The following SORCS1 variants were observed in gnomAD, a reference collection of about 807,000 sequenced individuals.
SORCS1 encodes the protein VPS10 domain-containing receptor SorCS1.
SORCS1 carries 60 observed loss-of-function variants against 146.1 expected under a neutral mutation model. That is an observed-to-expected ratio of 0.41 (90% CI 0.33 to 0.51). The LOEUF is 0.51. Among genes scored for constraint, SORCS1 ranks in the 20% least tolerant of loss-of-function variants. The pLI, the probability that SORCS1 is intolerant of heterozygous loss-of-function variation, is 0.21. For missense variants in SORCS1, 1,352 were observed against 1,487.6 expected, an observed-to-expected ratio of 0.91 and a Z score of 1.50; for synonymous variants, 637 against 584.0, an observed-to-expected ratio of 1.09 and a Z score of -1.31.
chr10:107,100,454 C>A (rs1964841288), intron 1 of SORCS1, among the ~76,000 whole-genome samples: 1 of 151,352 alleles, frequency 6.6e-6, no homozygotes, highest in Non-Finnish European at 1.5e-5. Context: ...GCAGAGCTTG[C>A]AGTGAGCCAA....
At chr10:106,877,835 G>A (rs575236669) in intron 2 of SORCS1, among the ~76,000 whole-genome samples, 158 of 152,264 alleles carry the variant, frequency 1.0e-3, no homozygotes, top group Middle Eastern at 3.4e-3. Flanking sequence ...CCACAAAAAA[G>A]CAGGCAGATT....
chr10:106,659,150 T>C (rs1218199985), intron 17 of SORCS1, among the ~76,000 whole-genome samples: 1 of 152,222 alleles, frequency 6.6e-6, no homozygotes, highest in African/African-American at 2.4e-5. Flanking sequence ...TAAGCAGGCT[T>C]TCCAAGTTTC....
intron 4 of SORCS1, among the ~76,000 whole-genome samples, chr10:106,775,947 TAC>T (rs147093964): frequency 7.9e-5 from 12 of 152,096 alleles, no homozygotes; most frequent in African/African-American, 2.7e-4. Flanking sequence ...TATGCACATA[TAC>T]ACACACACAG....
At chr10:106,607,882 C>T (rs779356199) in intron 22 of SORCS1, among the ~76,000 whole-genome samples, 1 of 152,126 alleles carries the variant, frequency 6.6e-6, no homozygotes, top group Non-Finnish European at 1.5e-5. Flanking sequence ...TCAGGAGGCC[C>T]CTGTTGACTT....
At chr10:106,699,495 G>T in intron 8 of SORCS1, 102 bp from the exon 9 acceptor site, 1 of 963,908 alleles carries the variant, frequency 1.0e-6, no homozygotes, top group Non-Finnish European at 1.5e-6. Flanking sequence ...ACCAGAATGA[G>T]CACTTTAATG....
In SORCS1 at chr10:107,159,275, T is replaced by C. The variant is rs370753329; in HGVS notation, c.558+4694A>G. On this transcript the variant is annotated intron_variant, in intron 1 of 25. Coordinates refer to ENST00000263054, the MANE Select transcript of SORCS1 (RefSeq NM_052918.5). ...ATTTCTACATCCCCAACACTCCTAG[T>C]GCACTTTACTTAGTAAATGCAGCAG... Among the ~76,000 whole-genome samples, 11 of 152,214 alleles carry C rather than the reference T, an allele frequency of 7.2e-5. No individual in the cohort carries two copies. In the East Asian group the frequency reaches 1.3e-3, roughly 19 times the overall value.
At chr10:106,760,710 AACACACACACAC>A (rs58948425) in intron 5 of SORCS1, among the ~76,000 whole-genome samples, 2 of 148,582 alleles carry the variant, frequency 1.3e-5, no homozygotes, top group Non-Finnish European at 3.0e-5. Context: ...CACACACACT[AACACACACACAC>A]ACACACACAC....
intron 1 of SORCS1, among the ~76,000 whole-genome samples, chr10:106,961,391 C>T (rs1955215094): frequency 6.6e-6 from 1 of 152,192 alleles, no homozygotes; most frequent in Non-Finnish European, 1.5e-5. Context: ...TAATCTGGTT[C>T]TACATACAGC....
chr10:107,012,999 T>C (rs1957750857), intron 1 of SORCS1, among the ~76,000 whole-genome samples: 1 of 152,186 alleles, frequency 6.6e-6, no homozygotes, highest in African/African-American at 2.4e-5. Flanking sequence ...CTTGGCCTCC[T>C]ATTATCTGTC....
chr10:106,625,729 C>T (rs1054278825), intron 19 of SORCS1, among the ~76,000 whole-genome samples: 8 of 152,164 alleles, frequency 5.3e-5, no homozygotes, highest in Non-Finnish European at 1.0e-4. Flanking sequence ...ATAAGGGAAG[C>T]AGTTTAGGAA....
intron 2 of SORCS1, among the ~76,000 whole-genome samples, chr10:106,869,999 G>T (rs538755773): frequency 6.6e-5 from 10 of 151,998 alleles, no homozygotes; most frequent in Non-Finnish European, 1.3e-4. Context: ...CAAAGTTTCA[G>T]GATACAAAAT....
At chr10:107,124,623 A>G (rs903160138) in intron 1 of SORCS1, among the ~76,000 whole-genome samples, 1 of 152,116 alleles carries the variant, frequency 6.6e-6, no homozygotes, top group Admixed American at 6.5e-5. Flanking sequence ...TCTGAGCACT[A>G]GTGGGGCAGC....
At chr10:106,584,937 A>G (rs1172918875) in intron 24 of SORCS1, among the ~76,000 whole-genome samples, 1 of 152,200 alleles carries the variant, frequency 6.6e-6, no homozygotes, top group Non-Finnish European at 1.5e-5. Flanking sequence ...TTGGAAGGTG[A>G]TGATTCCTGG....
intron 1 of SORCS1, among the ~76,000 whole-genome samples, chr10:107,006,920 T>A (rs925269855): frequency 8.9e-4 from 135 of 152,060 alleles, no homozygotes; most frequent in African/African-American, 3.2e-3. Flanking sequence ...TCAATGATTA[T>A]AAACAAATTT....
chr10:106,823,644 T>C (rs1219699407), intron 3 of SORCS1, among the ~76,000 whole-genome samples: 1 of 152,120 alleles, frequency 6.6e-6, no homozygotes, highest in African/African-American at 2.4e-5. Flanking sequence ...CTAAAGGGAG[T>C]ATTAGACATG....
chr10:107,114,283 C>A (rs1404925541), intron 1 of SORCS1, among the ~76,000 whole-genome samples: 1 of 152,092 alleles, frequency 6.6e-6, no homozygotes, highest in Non-Finnish European at 1.5e-5. Flanking sequence ...ATGAGGCCAG[C>A]ATAACCTTCA....
chr10:106,797,696 T>C (rs1348254824), intron 3 of SORCS1, among the ~76,000 whole-genome samples: 1 of 152,182 alleles, frequency 6.6e-6, no homozygotes, highest in African/African-American at 2.4e-5. Context: ...TCCATGTCTA[T>C]ACCAGCCCCA....
chr10:106,701,579 G>T (rs1854143790), intron 8 of SORCS1, among the ~76,000 whole-genome samples: 1 of 152,222 alleles, frequency 6.6e-6, no homozygotes, highest in African/African-American at 2.4e-5. Flanking sequence ...CAATCCTGAT[G>T]AAAACAGGCT....
chr10:106,605,912 T>C lies in SORCS1; in HGVS notation c.3165+1254A>G, dbSNP rs151146870. Among the ~76,000 whole-genome samples the C allele has an allele frequency of 1.7e-3, 263 of 152,240 alleles. 2 individuals carry two copies. Among genetic ancestry groups the C allele is most frequent in the Middle Eastern group, 6.8e-3 (2 of 294 alleles). ...GGGGTTGTTTTTAATAAGACTATTA[T>C]AGAAGTTTCTCAAGTCATCCTGGAA... On this transcript the variant is annotated intron_variant, in intron 23 of 25. Transcript: ENST00000263054.
Sources: allele counts gnomAD v4.1 joint callset (sites outside exome capture counted in the v4.1 genomes callset), GRCh38; gene constraint gnomAD v4.1.1; transcripts MANE v1.5; gene names NCBI Gene and HGNC (gene_info 2026-07-23, HGNC 2026-07-21).